Variants in ANO3 observed in about 807,000 individuals in gnomAD.
The protein encoded by ANO3 is anoctamin 3.
ANO3 carries 99 observed loss-of-function variants against 144.8 expected under a neutral mutation model. That is an observed-to-expected ratio of 0.68 (90% CI 0.58 to 0.81). ANO3 has a LOEUF of 0.81. Ranked by LOEUF, ANO3 falls within the 30% of genes least tolerant of loss-of-function variation. The probability of loss-of-function intolerance (pLI) is 0.00; values close to 1 mark genes in which losing one functional copy is unlikely to be tolerated. For missense variants in ANO3, 905 were observed against 1,202.2 expected, an observed-to-expected ratio of 0.75 and a Z score of 3.66; for synonymous variants, 414 against 392.6, an observed-to-expected ratio of 1.05 and a Z score of -0.64.
At chr11:26,501,554 T>G (rs566085543) in intron 4 of ANO3, among the ~76,000 whole-genome samples, 6 of 151,948 alleles carry the variant, frequency 3.9e-5, no homozygotes, top group African/African-American at 1.5e-4. Context: ...CAAAACAACA[T>G]TTTAAGCATA....
At chr11:26,274,348 T>C (rs1466088682) in intron 1 of ANO3, among the ~76,000 whole-genome samples, 1 of 152,144 alleles carries the variant, frequency 6.6e-6, no homozygotes, top group Non-Finnish European at 1.5e-5. Context: ...TTGTGAATGG[T>C]TCATAATATT....
intron 9 of ANO3, among the ~76,000 whole-genome samples, 154 bp from the exon 10 acceptor site, chr11:26,537,252 A>C (rs1849533644): frequency 6.6e-6 from 1 of 152,094 alleles, no homozygotes; most frequent in Non-Finnish European, 1.5e-5. Context: ...TTCTTTCACA[A>C]TCTCACTGTC....
At position 26,531,285 on chromosome 11, in the gene ANO3, T is replaced by C. The variant is rs751796183; in HGVS notation, c.818T>C (p.Leu273Pro). Residue 273 changes from leucine (L) to proline (P), a missense_variant, in exon 8 of 27, where the codon CTA becomes CCA. Physicochemically the swap from Leu to Pro is moderately conservative, Grantham distance 98 (BLOSUM62 -3). Around this residue, in one of 4 missense-constraint regions of ANO3, gnomAD observed 71 missense variants for 57.9 expected, o/e 1.23. Coordinates refer to ENST00000256737, the MANE Select transcript of ANO3 (RefSeq NM_031418.4). ...CTTGACAAGTCAGCTTTTCCAGACC[T>C]AGAGGAGTCAGACTGCTATACTGGC... ...MVLDKSAFPD[L>P]EESDCYTGPF... The C allele has an allele frequency of 5.0e-6, 8 of 1,613,992 alleles. No individual in the cohort carries two copies. In the South Asian group the frequency reaches 8.8e-5, roughly 18 times the overall value.
In ANO3 at chr11:26,643,199, A is replaced by G; in HGVS notation, c.2293A>G (p.Thr765Ala). ...YLEMVLQFGF[T>A]TIFVAAFPLA... ...TTTTGCAGTTTTGCAATTTGGTTTT[A>G]CCACCATCTTTGTTGCGGCTTTTCC... Residue 765 changes from threonine to alanine, a missense_variant, in exon 23 of 27, where the codon ACC (threonine) becomes GCC (alanine). By Grantham distance (58) the Thr-to-Ala change is moderately conservative (BLOSUM62 0). Around this residue, in one of 4 missense-constraint regions of ANO3, gnomAD observed 597 missense variants for 865.1 expected, o/e 0.69. Coordinates refer to ENST00000256737, the MANE Select transcript of ANO3 (RefSeq NM_031418.4). The G allele has an allele frequency of 1.2e-6, 2 of 1,614,010 alleles. No individual in the cohort carries two copies. The highest frequency in any genetic ancestry group is 1.7e-6 in the Non-Finnish European group (2 of 1,179,972).
chr11:26,318,047 G>A (rs1312768321), intron 1 of ANO3, among the ~76,000 whole-genome samples: 1 of 134,688 alleles, frequency 7.4e-6, no homozygotes, highest in Admixed American at 7.3e-5. Context: ...TCATAAGTGG[G>A]AGTTGAACAA....
chr11:26,593,230 G>A (rs1406543221), intron 14 of ANO3, among the ~76,000 whole-genome samples: 18 of 152,170 alleles, frequency 1.2e-4, no homozygotes, highest in Non-Finnish European at 2.4e-4. Flanking sequence ...CTTAGAGTCT[G>A]TATACATATT....
chr11:26,525,628 T>C lies in ANO3; in HGVS notation c.693-7T>C. ...CTTTCCTTAGCTGTTTTCTATTATTTTTTCAGGAAAAAATGCTATTACACT... is the reference window on the plus strand; with the variant it reads ...CTTTCCTTAGCTGTTTTCTATTATTCTTTCAGGAAAAAATGCTATTACACT... On this transcript the variant is annotated splice_polypyrimidine_tract_variant and splice_region_variant and intron_variant, in intron 6 of 26. Transcript: ENST00000256737. The C allele has an allele frequency of 1.9e-6, 3 of 1,610,148 alleles. No individual in the cohort carries two copies. Among genetic ancestry groups the C allele is most frequent in the Non-Finnish European group, 2.5e-6 (3 of 1,177,968 alleles).
In ANO3 at chr11:26,544,273, T is replaced by TATATACACACACACAC; in HGVS notation, c.1154+2206_1154+2207insTATACACACACACACA. ...ATACATATATATATATATATATATA[T>TATATACACACACACAC]ACACACATACACACACACACACACA... On this transcript the variant is annotated intron_variant, in intron 11 of 26. Coordinates refer to ENST00000256737, the MANE Select transcript of ANO3 (RefSeq NM_031418.4). Among the ~76,000 whole-genome samples the TATATACACACACACAC allele has an allele frequency of 2.3e-3, 135 of 58,568 alleles. 6 individuals are homozygous for TATATACACACACACAC. The highest frequency in any genetic ancestry group is 0.014 in the East Asian group (12 of 862). 38.4% of individuals were successfully genotyped at this position (58,568 alleles called of 152,430 possible).
At chr11:26,311,359 G>T (rs887412964) in intron 1 of ANO3, among the ~76,000 whole-genome samples, 1 of 152,182 alleles carries the variant, frequency 6.6e-6, no homozygotes, top group African/African-American at 2.4e-5. Flanking sequence ...CCTCACGAAG[G>T]CCTGACCGGG....
intron 1 of ANO3, among the ~76,000 whole-genome samples, chr11:26,334,710 A>G (rs1410063346): frequency 6.6e-6 from 1 of 152,206 alleles, no homozygotes. Context: ...TTCTGTGACC[A>G]GATAAAGAGG....
At chr11:26,288,808 A>G (rs1490423262) in intron 1 of ANO3, among the ~76,000 whole-genome samples, 1 of 152,078 alleles carries the variant, frequency 6.6e-6, no homozygotes, top group Non-Finnish European at 1.5e-5. Flanking sequence ...GAAGAAATTA[A>G]ATGGTGCCAT....
At position 26,547,533 on chromosome 11, in the gene ANO3, G is replaced by A. The variant is rs1849818777; in HGVS notation, c.1272G>A (p.Met424Ile). Reference sequence around the variant, plus strand: ...TTTTCTTCTATGGATTATTTACAATGAATAATAGTCAAGTAAGGTAGGCTA... The same window carrying A: ...TTTTCTTCTATGGATTATTTACAATAAATAATAGTCAAGTAAGGTAGGCTA... ...LCVFFYGLFTMNNSQVSQEIC... is the reference protein window; with the variant it reads ...LCVFFYGLFTINNSQVSQEIC... The change falls in exon 12 of 27, where the codon ATG becomes ATA. Residue 424 changes from methionine (M) to isoleucine (I), a missense_variant. Met to Ile is a conservative substitution (Grantham distance 10). Transcript: ENST00000256737. The A allele has an allele frequency of 6.2e-7, 1 of 1,611,554 alleles. No homozygotes were observed. The highest frequency in any genetic ancestry group is 1.3e-5 in the African/African-American group (1 of 74,724).
chr11:26,430,102 A>G (rs72886237), intron 1 of ANO3, among the ~76,000 whole-genome samples: 7,955 of 152,162 alleles, frequency 0.052, 246 homozygotes, highest in African/African-American at 0.08. Context: ...AACAATAAAA[A>G]ATAAAAAGAT....
intron 4 of ANO3, among the ~76,000 whole-genome samples, chr11:26,479,213 A>AT (rs1195492068): frequency 6.6e-6 from 1 of 152,112 alleles, no homozygotes; most frequent in East Asian, 1.9e-4. Flanking sequence ...TGGACTTAAA[A>AT]TTTTTTTGTT....
chr11:26,428,423 A>C (rs1020053166), intron 1 of ANO3, among the ~76,000 whole-genome samples: 3 of 152,236 alleles, frequency 2.0e-5, no homozygotes, highest in Non-Finnish European at 2.9e-5. Context: ...ATTGTTTACA[A>C]AGGGAAGAAA....
At chr11:26,578,670 A>C (rs561363717) in intron 14 of ANO3, among the ~76,000 whole-genome samples, 5 of 152,314 alleles carry the variant, frequency 3.3e-5, no homozygotes, top group African/African-American at 1.2e-4. Context: ...AAGTACGATT[A>C]TATTAGTCTC....
At chr11:26,658,681 A>G (rs1365571692) in intron 26 of ANO3, among the ~76,000 whole-genome samples, 2 of 152,186 alleles carry the variant, frequency 1.3e-5, no homozygotes, top group Admixed American at 1.3e-4. Flanking sequence ...TAATTATAGC[A>G]AATGTTTTGA....
At chr11:26,298,414 A>G (rs1228764424) in intron 1 of ANO3, among the ~76,000 whole-genome samples, 1 of 152,164 alleles carries the variant, frequency 6.6e-6, no homozygotes, top group African/African-American at 2.4e-5. Context: ...TTTCCACAAC[A>G]GAAGTCCCTA....
intron 1 of ANO3, among the ~76,000 whole-genome samples, chr11:26,333,580 C>T (rs1855117703): frequency 6.6e-6 from 1 of 152,110 alleles, no homozygotes. Flanking sequence ...CTGTACCCGG[C>T]CCTTGACTTT....
Sources: gnomAD v4.1 joint callset for allele counts (sites outside exome capture counted in the v4.1 genomes callset) on GRCh38, gnomAD v4.1.1 for gene constraint, gnomAD v4.1.1 regional missense constraint, MANE v1.5 for transcripts, NCBI Gene and HGNC (gene_info 2026-07-23, HGNC 2026-07-21) for gene names.